The following PPCS variants were observed in gnomAD, a reference collection of about 807,000 sequenced individuals.
PPCS encodes phosphopantothenoylcysteine synthetase, also known as phosphopantothenate--cysteine ligase.
Under a neutral mutation model 24.6 loss-of-function variants are expected in PPCS, and 17 were observed. The observed-to-expected ratio is 0.69, with a 90% confidence interval of 0.47 to 1.04. The LOEUF (loss-of-function observed/expected upper bound fraction) is 1.04. Ranked by LOEUF, PPCS falls within the 50% of genes least tolerant of loss-of-function variation. PPCS has a pLI of 0.00. For synonymous variants in PPCS, 190 were observed against 168.3 expected (o/e 1.13, Z -1.00); for missense variants, 360 against 402.8 (o/e 0.89, Z 0.91).
intron 2 of PPCS, among the ~76,000 whole-genome samples, chr1:42,472,802 A>G (rs566351094): frequency 6.6e-6 from 1 of 152,346 alleles, no homozygotes; most frequent in South Asian, 2.1e-4. Flanking sequence ...AGTAAAATAT[A>G]CATTGTAGAG....
chr1:42,456,606 C>T lies in PPCS; in HGVS notation c.41C>T (p.Pro14Leu), dbSNP rs770463520. 2 of 1,523,578 alleles carry T rather than the reference C, an allele frequency of 1.3e-6. No individual in the cohort carries two copies. The highest frequency in any genetic ancestry group is 1.3e-5 in the South Asian group (1 of 77,596). 94.4% of individuals were successfully genotyped at this position (1,523,578 alleles called of 1,614,324 possible). ...MDPVAEFPQPPGAARWAEVMA... is the reference protein window; with the variant it reads ...MDPVAEFPQPLGAARWAEVMA... ...CCGGTAGCCGAGTTCCCCCAGCCTC[C>T]CGGTGCTGCGCGCTGGGCTGAGGTT... The change falls in exon 1 of 3, where the codon CCC (proline) becomes CTC (leucine). Residue 14 changes from proline (P) to leucine (L), a missense_variant. Pro to Leu is a moderately conservative substitution (Grantham distance 98). This residue lies in a region of PPCS where 244 missense variants were observed against 234.7 expected (regional missense o/e 1.04). Transcript: ENST00000372561.
Position 42,459,734 on chromosome 1 carries a change from A to G in PPCS, c.744A>G (p.Glu248=). The part of the protein sequence containing the change: ...IVINRARKAL[E]IYQHQVVVAN... The stretch of plus-strand genomic sequence containing the variant: ...TTAATCGAGCTCGGAAGGCTTTGGA[A>G]ATTTATCAGCATCAAGTGGTGGTGG... Residue 248 remains glutamate, a synonymous_variant, in exon 3 of 3, where the codon GAA becomes GAG. Coordinates refer to ENST00000372561, the MANE Select transcript of PPCS (RefSeq NM_024664.4). 1 of 1,614,208 alleles carries G rather than the reference A, an allele frequency of 6.2e-7. No individual in the cohort carries two copies. The highest frequency in any genetic ancestry group is 8.5e-7 in the Non-Finnish European group (1 of 1,180,042).
Position 42,469,762 on chromosome 1 carries a change from C to T in PPCS, n.378-3360C>T, listed in dbSNP as rs192700038. On this transcript the variant is annotated intron_variant and non_coding_transcript_variant, in intron 2 of 2. Coordinates refer to the PPCS transcript ENST00000471420. ...TATGTTGATGAGGAGAAGCAACTGA[C>T]TGTTTTATGATGACCTTTGTTTTAC... Among the ~76,000 whole-genome samples the T allele has an allele frequency of 3.3e-5, 5 of 152,170 alleles. No homozygotes were observed. The East Asian group carries it at 9.7e-4, about 29-fold the overall frequency.
Position 42,460,037 on chromosome 1 carries a change from A to G in PPCS, c.*111A>G. On this transcript the variant is annotated 3_prime_UTR_variant, in exon 3 of 3. Transcript: ENST00000372561. Reference sequence around the variant, plus strand: ...ACAGATAAAATGAAAGAAAGGGAAAAGGCAGTGGTGTGTAGGCAAATATGG... The same window carrying G: ...ACAGATAAAATGAAAGAAAGGGAAAGGGCAGTGGTGTGTAGGCAAATATGG... 1 of 1,441,950 alleles carries G rather than the reference A, an allele frequency of 6.9e-7. No homozygotes were observed. Among genetic ancestry groups the G allele is most frequent in the Non-Finnish European group, 9.1e-7 (1 of 1,103,340 alleles). 89.3% of individuals were successfully genotyped at this position (1,441,950 alleles called of 1,614,324 possible).
intron 2 of PPCS, chr1:42,457,585 T>TC (rs1569604026): frequency 1.8e-6 from 1 of 550,270 alleles, no homozygotes; most frequent in East Asian, 3.1e-5. Context: ...CAAAGTGCAG[T>TC]CAGATCATGG....
chr1:42,459,986 C>T lies in PPCS; in HGVS notation c.*60C>T. The stretch of plus-strand genomic sequence containing the variant: ...GGGCTCTTAGAGATGGTGAAAACTA[C>T]AAAAAAAACCATGGCTTTCATATGG... On this transcript the variant is annotated 3_prime_UTR_variant, in exon 3 of 3. Coordinates refer to ENST00000372561, the MANE Select transcript of PPCS (RefSeq NM_024664.4). 3 of 1,503,870 alleles carry T rather than the reference C, an allele frequency of 2.0e-6. No individual in the cohort carries two copies. Among genetic ancestry groups the T allele is most frequent in the Non-Finnish European group, 2.6e-6 (3 of 1,133,590 alleles). The allele number at this position is 1,503,870 out of a possible 1,614,324, so 93.2% of individuals were successfully genotyped here.
Position 42,460,022 on chromosome 1 carries a change from TGAAA to T in PPCS, c.*102_*105del, listed in dbSNP as rs1236934299. On this transcript the variant is annotated 3_prime_UTR_variant, in exon 3 of 3. Coordinates refer to ENST00000372561, the MANE Select transcript of PPCS (RefSeq NM_024664.4). The stretch of plus-strand genomic sequence containing the variant: ...ATGGCTTTCATATGGACAGATAAAA[TGAAA>T]GAAAGGGAAAAGGCAGTGGTGTGTA... The T allele has an allele frequency of 1.9e-5, 28 of 1,455,566 alleles. No individual in the cohort carries two copies. The highest frequency in any genetic ancestry group is 2.7e-5 in the Admixed American group (1 of 37,538). 90.2% of individuals were successfully genotyped at this position (1,455,566 alleles called of 1,614,324 possible). A position where few individuals can be genotyped will look rare whatever the true frequency, so the allele number is the denominator to read the frequency against.
intron 2 of PPCS, among the ~76,000 whole-genome samples, chr1:42,466,712 C>T (rs1047871604): frequency 2.0e-5 from 3 of 151,822 alleles, no homozygotes; most frequent in Admixed American, 6.6e-5. Context: ...CCACCATGCC[C>T]GGCTAATTTT....
Position 42,456,894 on chromosome 1 carries a change from C to T in PPCS, c.329C>T (p.Pro110Leu), listed in dbSNP as rs1291974534. The T allele has an allele frequency of 1.2e-6, 2 of 1,612,446 alleles. No individual in the cohort carries two copies. Among genetic ancestry groups the T allele is most frequent in the Non-Finnish European group, 1.7e-6 (2 of 1,179,888 alleles). Residue 110 changes from proline (P) to leucine (L), a missense_variant, in exon 1 of 3, where the codon CCA becomes CTA. Physicochemically the swap from Pro to Leu is moderately conservative, Grantham distance 98 (BLOSUM62 -3). Around this residue, in one of 2 missense-constraint regions of PPCS, gnomAD observed 244 missense variants for 234.7 expected, o/e 1.04. Coordinates refer to ENST00000372561, the MANE Select transcript of PPCS (RefSeq NM_024664.4). Reference sequence around the variant, plus strand: ...CTGTCCGCTCTGCGGCCTTCGGGCCCAGCCCTTTCGGGCTTGCTGAGCCTG... The same window carrying T: ...CTGTCCGCTCTGCGGCCTTCGGGCCTAGCCCTTTCGGGCTTGCTGAGCCTG... ...TWLSALRPSG[P>L]ALSGLLSLEA...
At chr1:42,457,486 C>T in intron 2 of PPCS, 136 bp downstream of exon 2, 1 of 724,986 alleles carries the variant, frequency 1.4e-6, no homozygotes, top group South Asian at 1.6e-5. Context: ...AGACACCGCC[C>T]TCCCTCATGG....
At chr1:42,456,474 T>A, upstream of PPCS, 1 of 1,334,494 alleles carries the variant, frequency 7.5e-7, no homozygotes. Flanking sequence ...AACCGCCCAC[T>A]CAGTACGGCG....
At chr1:42,457,776 A>T (rs888209225) in intron 2 of PPCS, among the ~76,000 whole-genome samples, 3 of 151,978 alleles carry the variant, frequency 2.0e-5, no homozygotes, top group African/African-American at 7.3e-5. Context: ...AACATGGTGA[A>T]ACCCCGTCTC....
chr1:42,461,639 C>T (rs958413401), downstream of PPCS, among the ~76,000 whole-genome samples: 7 of 151,810 alleles, frequency 4.6e-5, no homozygotes, highest in East Asian at 1.9e-4. Context: ...CTCTGCCTCC[C>T]GGGTTCACAC....
chr1:42,465,113 TA>T (rs753413027), downstream of PPCS, among the ~76,000 whole-genome samples: 1 of 152,114 alleles, frequency 6.6e-6, no homozygotes, highest in Non-Finnish European at 1.5e-5. Context: ...AAAAACAATT[TA>T]ACCTGGGCAA....
chr1:42,459,498 T>A, intron 2 of PPCS, 105 bp from the exon 3 acceptor site: 1 of 980,224 alleles, frequency 1.0e-6, no homozygotes, highest in Non-Finnish European at 1.5e-6. Flanking sequence ...AAAAGTTTGA[T>A]GGTTGAGAAA....
Position 42,459,946 on chromosome 1 carries a change from A to T in PPCS, c.*20A>T. The T allele has an allele frequency of 1.3e-6, 2 of 1,568,776 alleles. No individual in the cohort carries two copies. The highest frequency in any genetic ancestry group is 1.7e-6 in the Non-Finnish European group (2 of 1,160,856). ...AACTGAAGTAAAAAGCCCTTATAGG[A>T]TCAAAAATTGTTCAGGGCTCTTAGA... On this transcript the variant is annotated 3_prime_UTR_variant, in exon 3 of 3. Coordinates refer to ENST00000372561, the MANE Select transcript of PPCS (RefSeq NM_024664.4).
Position 42,456,673 on chromosome 1 carries a change from G to A in PPCS, c.108G>A (p.Arg36=). ...FAARLGAQGR[R]VVLVTSGGTK... is the part of the protein sequence containing the mutation. ...CCAGGCTGGGCGCGCAGGGCCGGCG[G>A]GTGGTGTTGGTTACGTCAGGCGGCA... Residue 36 remains arginine, a synonymous_variant, in exon 1 of 3, where the codon CGG becomes CGA. Transcript: ENST00000372561. 1 of 1,604,150 alleles carries A rather than the reference G, an allele frequency of 6.2e-7. No individual in the cohort carries two copies. Among genetic ancestry groups the A allele is most frequent in the Non-Finnish European group, 8.5e-7 (1 of 1,177,360 alleles).
At chr1:42,461,993 G>A (rs979754529), downstream of PPCS, among the ~76,000 whole-genome samples, 1 of 152,176 alleles carries the variant, frequency 6.6e-6, no homozygotes, top group South Asian at 2.1e-4. Context: ...TGTGGATGAT[G>A]ACTGTCATCT....
chr1:42,462,748 C>CCTGAATTTTCAGTGCTTAGGA (rs757020872), downstream of PPCS, among the ~76,000 whole-genome samples: 224 of 152,270 alleles, frequency 1.5e-3, no homozygotes, highest in Non-Finnish European at 3.0e-3. Flanking sequence ...GTTCATCTTA[C>CCTGAATTTTCAGTGCTTAGGA]CTGAATTTTC....
Sources: allele counts gnomAD v4.1 joint callset (sites outside exome capture counted in the v4.1 genomes callset), GRCh38; gene constraint gnomAD v4.1.1; regional missense constraint gnomAD v4.1.1; transcripts MANE v1.5; gene names NCBI Gene and HGNC (gene_info 2026-07-23, HGNC 2026-07-21).